Variants in TRAM2 observed in about 807,000 individuals in gnomAD.
TRAM2 encodes translocation associated membrane protein 2.
Under a neutral mutation model 51.0 loss-of-function variants are expected in TRAM2, and 12 were observed. The ratio of observed to expected loss-of-function variants is 0.24; its 90% CI spans 0.15 to 0.38. TRAM2 has a LOEUF of 0.38. TRAM2 is among the 10% of genes least tolerant of loss of function. The pLI is 1.00. For missense variants in TRAM2, 361 were observed against 462.0 expected (o/e 0.78, Z 2.00); for synonymous variants, 175 against 179.4 (o/e 0.98, Z 0.20).
rs531892732 is a variant in TRAM2 at position 52,565,914 on chromosome 6, T to C, written c.120+10882A>G. On this transcript the variant is annotated intron_variant, in intron 1 of 10. Transcript: ENST00000182527. ...CACCCTCTGTGCCTCCACTGAACACTGGAACAAAACCAGTTTCCTTAGGTA... is the reference window on the plus strand; with the variant it reads ...CACCCTCTGTGCCTCCACTGAACACCGGAACAAAACCAGTTTCCTTAGGTA... Among the ~76,000 whole-genome samples, 6 of 152,322 alleles carry C rather than the reference T, an allele frequency of 3.9e-5. No homozygotes were observed. In the South Asian group the frequency reaches 1.2e-3, roughly 32 times the overall value.
chr6:52,503,245 C>A lies in TRAM2; in HGVS notation c.1065G>T (p.Lys355Asn). The A allele has an allele frequency of 6.2e-7, 1 of 1,614,068 alleles. No individual in the cohort carries two copies. Among genetic ancestry groups the A allele is most frequent in the Non-Finnish European group, 8.5e-7 (1 of 1,180,004 alleles). ...TCCGTGGGGAGGTTCCGTTCTCTGC[C>A]TTCACCACTCCATTTTCATGGTAAC... ...ESGYHENGVV[K>N]AENGTSPRTK... The change falls in exon 11 of 11, where the codon AAG becomes AAT. Residue 355 changes from lysine (K) to asparagine (N), a missense_variant. Physicochemically the swap from Lys to Asn is moderately conservative, Grantham distance 94. Coordinates refer to ENST00000182527, the MANE Select transcript of TRAM2 (RefSeq NM_012288.4).
chr6:52,562,068 C>A (rs1767511335), intron 1 of TRAM2, among the ~76,000 whole-genome samples: 2 of 146,444 alleles, frequency 1.4e-5, no homozygotes, highest in African/African-American at 2.6e-5. Context: ...AATTCTATCT[C>A]AATTTAAAAA....
intron 2 of TRAM2, chr6:52,524,644 T>G (rs1410460381): frequency 2.6e-5 from 4 of 152,344 alleles, no homozygotes; most frequent in South Asian, 4.1e-4. Context: ...AGATTTATAC[T>G]TGAACTGTGT....
At chr6:52,549,079 A>G (rs1767261278) in intron 1 of TRAM2, among the ~76,000 whole-genome samples, 1 of 152,130 alleles carries the variant, frequency 6.6e-6, no homozygotes, top group African/African-American at 2.4e-5. Flanking sequence ...CTAGAGATAC[A>G]ATGGTTTAGC....
At position 52,501,164 on chromosome 6, in the gene TRAM2, G is replaced by A. The variant is rs1000327772; in HGVS notation, c.*2033C>T. 11 of 152,268 alleles carry A rather than the reference G, an allele frequency of 7.2e-5. No individual in the cohort carries two copies. Among genetic ancestry groups the A allele is most frequent in the African/African-American group, 2.4e-4 (10 of 41,462 alleles). 9.4% of individuals were successfully genotyped at this position (152,268 alleles called of 1,614,324 possible). ...TTTCTGCTGTGCAGCCCAGAGAAGT[G>A]TCAGGGAAGGAGAGGGAGAAATGGG... On this transcript the variant is annotated 3_prime_UTR_variant, in exon 11 of 11. Transcript: ENST00000182527.
chr6:52,547,813 C>CA (rs1304151187), intron 1 of TRAM2, among the ~76,000 whole-genome samples: 8 of 152,242 alleles, frequency 5.3e-5, no homozygotes, highest in Non-Finnish European at 1.2e-4. Flanking sequence ...GCTGGACTGA[C>CA]AGAGTTCAGA....
intron 1 of TRAM2, among the ~76,000 whole-genome samples, chr6:52,557,540 TCAGA>T (rs1767431242): frequency 6.6e-6 from 1 of 152,148 alleles, no homozygotes; most frequent in African/African-American, 2.4e-5. Flanking sequence ...CGGTAAAGAA[TCAGA>T]CAATCTAAAT....
intron 9 of TRAM2, among the ~76,000 whole-genome samples, 158 bp downstream of exon 9, chr6:52,505,438 GGCT>G (rs994169023): frequency 1.3e-5 from 2 of 152,216 alleles, no homozygotes; most frequent in African/African-American, 4.8e-5. Flanking sequence ...TGGAACCAGA[GGCT>G]GCTATCTCTT....
rs1211603741 is a variant in TRAM2, at chr6:52,534,311, G to A, written c.184+1472C>T. On this transcript the variant is annotated intron_variant, in intron 2 of 10. Transcript: ENST00000182527. ...CGGAAGAATCGCTTCAACCCGGGAGGTGGAGGTTGCAGTGAGTCGAGATCA... is the reference window on the plus strand; with the variant it reads ...CGGAAGAATCGCTTCAACCCGGGAGATGGAGGTTGCAGTGAGTCGAGATCA... Among the ~76,000 whole-genome samples, 4 of 152,142 alleles carry A rather than the reference G, an allele frequency of 2.6e-5. No individual in the cohort carries two copies. The South Asian group carries it at 6.2e-4, about 24-fold the overall frequency.
chr6:52,501,861 T>C lies in TRAM2; in HGVS notation c.*1336A>G, dbSNP rs1191255197. The C allele has an allele frequency of 6.6e-6, 1 of 152,150 alleles. No homozygotes were observed. Among genetic ancestry groups the C allele is most frequent in the Admixed American group, 6.5e-5 (1 of 15,290 alleles). 9.4% of individuals were successfully genotyped at this position (152,150 alleles called of 1,614,324 possible). A position where few individuals can be genotyped will look rare whatever the true frequency, so the allele number is the denominator to read the frequency against. On this transcript the variant is annotated 3_prime_UTR_variant, in exon 11 of 11. Transcript: ENST00000182527. ...GTCCGGCCGTAATTAGGACCGGCTT[T>C]TTAAAGCTGAACGCCCCTTCTAAAA...
rs1043374106 is a variant in TRAM2 at position 52,516,820 on chromosome 6, G to A, written c.185-83C>T. The stretch of plus-strand genomic sequence containing the variant: ...CCAAAACTGAAATGAGATGGGAGGC[G>A]AAATGCGCCATCAAATGCTACCCGT... On this transcript the variant is annotated intron_variant, in intron 2 of 10. Coordinates refer to ENST00000182527, the MANE Select transcript of TRAM2 (RefSeq NM_012288.4). 12 of 1,049,494 alleles carry A rather than the reference G, an allele frequency of 1.1e-5. No homozygotes were observed. The East Asian group carries it at 1.7e-4, about 15-fold the overall frequency. The allele number at this position is 1,049,494 out of a possible 1,614,324, so 65.0% of individuals were successfully genotyped here.
At chr6:52,513,366 G>A (rs866930282) in intron 4 of TRAM2, among the ~76,000 whole-genome samples, 6 of 152,294 alleles carry the variant, frequency 3.9e-5, no homozygotes, top group Non-Finnish European at 7.4e-5. Flanking sequence ...CATTCTCATA[G>A]CCAACATTTA....
At chr6:52,574,690 C>T (rs116068939) in intron 1 of TRAM2, among the ~76,000 whole-genome samples, 28 of 152,290 alleles carry the variant, frequency 1.8e-4, no homozygotes, top group Non-Finnish European at 3.4e-4. Context: ...TTGTTTTTCT[C>T]GTCTTGGGCC....
chr6:52,506,054 C>T lies in TRAM2; in HGVS notation c.709G>A (p.Ala237Thr). The change falls in exon 8 of 11, where the codon GCA (alanine) becomes ACA (threonine). Residue 237 changes from alanine (A) to threonine (T), a missense_variant. By Grantham distance (58) the Ala-to-Thr change is moderately conservative. Transcript: ENST00000182527. ...TACAGTTTCTCGTTGTTTTCATCTGCAAAGTAGAAGAGTCTAGCCGTGTGG... is the reference window on the plus strand; with the variant it reads ...TACAGTTTCTCGTTGTTTTCATCTGTAAAGTAGAAGAGTCTAGCCGTGTGG... Reference protein sequence around the residue: ...LFHTARLFYFADENNEKLFSA... With the variant: ...LFHTARLFYFTDENNEKLFSA... 6.2e-7 allele frequency: 1 copy of T among 1,614,210 alleles called. No individual in the cohort carries two copies. The highest frequency in any genetic ancestry group is 8.5e-7 in the Non-Finnish European group (1 of 1,180,042).
intron 1 of TRAM2, among the ~76,000 whole-genome samples, chr6:52,549,750 T>A (rs1468164106): frequency 6.6e-6 from 1 of 152,200 alleles, no homozygotes; most frequent in African/African-American, 2.4e-5. Context: ...GAGTATTATC[T>A]GAACCAGCCA....
intron 10 of TRAM2, 81 bp from the exon 11 acceptor site, chr6:52,503,351 G>C (rs772268868): frequency 6.6e-5 from 88 of 1,339,008 alleles, no homozygotes; most frequent in Admixed American, 2.2e-4. Context: ...GCCAGGCCAA[G>C]GAAGGGGCCC....
At chr6:52,518,057 T>C (rs1562478004) in intron 2 of TRAM2, among the ~76,000 whole-genome samples, 1 of 152,032 alleles carries the variant, frequency 6.6e-6, no homozygotes, top group Non-Finnish European at 1.5e-5. Flanking sequence ...CCACCCCCGG[T>C]TGGAAAACAT....
intron 2 of TRAM2, among the ~76,000 whole-genome samples, chr6:52,521,259 C>T (rs556274314): frequency 1.3e-5 from 2 of 151,936 alleles, no homozygotes; most frequent in South Asian, 4.2e-4. Context: ...TTGGTGCAAA[C>T]GTAGTAATAA....
At chr6:52,504,144 G>A (rs1390685255) in intron 10 of TRAM2, among the ~76,000 whole-genome samples, 1 of 152,242 alleles carries the variant, frequency 6.6e-6, no homozygotes, top group South Asian at 2.1e-4. Context: ...GTCACTGTGA[G>A]TCATTCTTGG....
Sources: allele counts gnomAD v4.1 joint callset (sites outside exome capture counted in the v4.1 genomes callset), GRCh38; gene constraint gnomAD v4.1.1; transcripts MANE v1.5; gene names NCBI Gene and HGNC (gene_info 2026-07-23, HGNC 2026-07-21).